The following ZNF532 variants were observed in gnomAD, a reference collection of about 807,000 sequenced individuals.
ZNF532 encodes the protein zinc finger protein 532.
ZNF532 carries 22 observed loss-of-function variants against 89.3 expected under a neutral mutation model. The ratio of observed to expected loss-of-function variants is 0.25; its 90% CI spans 0.18 to 0.35. ZNF532 has a LOEUF of 0.35. Ranked by LOEUF, ZNF532 falls within the 10% of genes least tolerant of loss-of-function variation. ZNF532 has a pLI of 1.00. For synonymous variants in ZNF532, 606 were observed against 649.6 expected (o/e 0.93, Z 1.02); for missense variants, 1,132 against 1,643.4 (o/e 0.69, Z 5.38).
At chr18:58,869,762 G>GTTTTT (rs59118998) in intron 2 of ZNF532, among the ~76,000 whole-genome samples, 4 of 111,478 alleles carry the variant, frequency 3.6e-5, no homozygotes, top group Admixed American at 1.0e-4. Flanking sequence ...TGGAAGATCT[G>GTTTTT]TTTTTTTTTT....
intron 2 of ZNF532, among the ~76,000 whole-genome samples, chr18:58,890,513 C>T (rs1430439026): frequency 6.6e-6 from 1 of 151,370 alleles, no homozygotes; most frequent in Non-Finnish European, 1.5e-5. Context: ...TACCTGGTAT[C>T]TCCTTGCCAA....
At chr18:58,982,001 CAAAAA>C (rs60019659) in intron 9 of ZNF532, among the ~76,000 whole-genome samples, 6 of 83,306 alleles carry the variant, frequency 7.2e-5, no homozygotes, top group African/African-American at 2.1e-4. Flanking sequence ...GAGACTCTCC[CAAAAA>C]AAAAAAAAAA....
At chr18:58,950,199 G>C (rs192923779) in intron 6 of ZNF532, among the ~76,000 whole-genome samples, 1 of 152,146 alleles carries the variant, frequency 6.6e-6, no homozygotes, top group Non-Finnish European at 1.5e-5. Context: ...CTGGAAGTCG[G>C]GTCATCGACT....
chr18:58,970,030 C>G (rs1047196746), intron 7 of ZNF532, among the ~76,000 whole-genome samples: 3 of 151,866 alleles, frequency 2.0e-5, no homozygotes, highest in Non-Finnish European at 4.4e-5. Context: ...ATTACAGATG[C>G]ATGCCACCAC....
chr18:58,890,798 CTCT>C (rs1455345128), intron 2 of ZNF532, among the ~76,000 whole-genome samples: 4 of 151,754 alleles, frequency 2.6e-5, no homozygotes, highest in Non-Finnish European at 5.9e-5. Context: ...ACCTCTTTAC[CTCT>C]TCTTCCCGGT....
intron 2 of ZNF532, among the ~76,000 whole-genome samples, chr18:58,874,632 C>A (rs1471538057): frequency 6.6e-6 from 1 of 152,176 alleles, no homozygotes; most frequent in Non-Finnish European, 1.5e-5. Flanking sequence ...TGAGCCACTG[C>A]GTCTGGCCTG....
chr18:58,888,958 G>A lies in ZNF532; in HGVS notation c.-18+23379G>A, dbSNP rs558530269. Reference sequence around the variant, plus strand: ...CCCTTATCCGTAATGCTTGGGACCAGCATTTAGGTTTTTTTGTTCCAGATT... The same window carrying A: ...CCCTTATCCGTAATGCTTGGGACCAACATTTAGGTTTTTTTGTTCCAGATT... On this transcript the variant is annotated intron_variant, in intron 2 of 9. Transcript: ENST00000591808. 1.1e-3 allele frequency among the ~76,000 whole-genome samples: 130 copies of A among 120,684 alleles called. 7 individuals carry two copies. In the South Asian group the frequency reaches 0.031, roughly 28 times the overall value. The allele number at this position is 120,684 out of a possible 152,430, so 79.2% of individuals were successfully genotyped here. A position where few individuals can be genotyped will look rare whatever the true frequency, so the allele number is the denominator to read the frequency against.
intron 9 of ZNF532, 48 bp downstream of exon 9, chr18:58,981,665 C>CT: frequency 1.2e-6 from 2 of 1,605,736 alleles, no homozygotes; most frequent in Non-Finnish European, 1.7e-6. Context: ...TGTTGACTTG[C>CT]TTTTCCCATT....
At chr18:58,879,866 G>C (rs2057747828) in intron 2 of ZNF532, among the ~76,000 whole-genome samples, 1 of 152,122 alleles carries the variant, frequency 6.6e-6, no homozygotes, top group Admixed American at 6.6e-5. Flanking sequence ...ACTGTTTTGG[G>C]GGTGTAGTTT....
intron 9 of ZNF532, among the ~76,000 whole-genome samples, chr18:58,982,919 C>T (rs994870015): frequency 1.4e-4 from 22 of 152,144 alleles, no homozygotes; most frequent in Non-Finnish European, 2.8e-4. Context: ...CGAGACCAGC[C>T]TGGCCAATAT....
intron 7 of ZNF532, among the ~76,000 whole-genome samples, chr18:58,969,873 C>CTTTT (rs10617418): frequency 2.8e-4 from 24 of 84,710 alleles, no homozygotes; most frequent in South Asian, 4.8e-4. Context: ...ATATTTGTCC[C>CTTTT]TTTTTTTTTT....
intron 3 of ZNF532, among the ~76,000 whole-genome samples, chr18:58,928,481 G>C (rs183533673): frequency 2.0e-5 from 3 of 152,168 alleles, no homozygotes; most frequent in Non-Finnish European, 4.4e-5. Context: ...GTTTTAGCTC[G>C]AGGCTCTCTG....
At chr18:58,981,973 T>C (rs535960490) in intron 9 of ZNF532, among the ~76,000 whole-genome samples, 136 of 124,612 alleles carry the variant, frequency 1.1e-3, no homozygotes, top group African/African-American at 4.2e-3. Context: ...CACTGCACTC[T>C]AGCCCAGGCG....
At chr18:58,959,363 C>T (rs1243536960) in intron 7 of ZNF532, among the ~76,000 whole-genome samples, 2 of 150,848 alleles carry the variant, frequency 1.3e-5, no homozygotes, top group African/African-American at 4.9e-5. Context: ...ACCTCCGCCT[C>T]CCAGGCTTAA....
At chr18:58,956,763 G>A (rs942990111) in intron 7 of ZNF532, among the ~76,000 whole-genome samples, 2 of 152,038 alleles carry the variant, frequency 1.3e-5, no homozygotes, top group African/African-American at 2.4e-5. Context: ...ACCCCACAGC[G>A]GTGTTTCACA....
chr18:58,918,272 A>C lies in ZNF532; in HGVS notation c.-16A>C, dbSNP rs2060752793. 2 of 1,605,238 alleles carry C rather than the reference A, an allele frequency of 1.2e-6. No individual in the cohort carries two copies. Among genetic ancestry groups the C allele is most frequent in the South Asian group, 2.2e-5 (2 of 90,650 alleles). On this transcript the variant is annotated splice_region_variant and 5_prime_UTR_variant, in exon 3 of 10. Coordinates refer to ENST00000591808, the MANE Select transcript of ZNF532 (RefSeq NM_001375912.1). ...AACTATTTTCTGCTCATTTAACAGA[A>C]CATCTGCTCAAATTAATGACCATGG...
intron 7 of ZNF532, chr18:58,964,367 C>G (rs575188557): frequency 6.6e-6 from 1 of 152,244 alleles, no homozygotes; most frequent in South Asian, 2.1e-4. Context: ...TCTTCTATCT[C>G]TGGTTGACTG....
At chr18:58,906,126 TG>T (rs964409565) in intron 2 of ZNF532, among the ~76,000 whole-genome samples, 5 of 152,172 alleles carry the variant, frequency 3.3e-5, no homozygotes, top group Admixed American at 1.3e-4. Flanking sequence ...TCTTTCTCCG[TG>T]GTAAAGTTGC....
chr18:58,964,543 G>GTC (rs2065716430), intron 7 of ZNF532, among the ~76,000 whole-genome samples: 1 of 115,350 alleles, frequency 8.7e-6, no homozygotes, highest in Non-Finnish European at 1.7e-5. Context: ...GTTTGTGTGT[G>GTC]TGTGTGTGTG....
Sources: gnomAD v4.1 joint callset for allele counts (sites outside exome capture counted in the v4.1 genomes callset) on GRCh38, gnomAD v4.1.1 for gene constraint, MANE v1.5 for transcripts, NCBI Gene and HGNC (gene_info 2026-07-23, HGNC 2026-07-21) for gene names.